Variants in TTLL9 observed in about 807,000 individuals in gnomAD.
TTLL9 encodes tubulin tyrosine ligase like 9, also known as probable tubulin polyglutamylase TTLL9.
In TTLL9, 47 loss-of-function variants were observed where a neutral mutation model predicts 65.6. The observed-to-expected ratio is 0.72, with a 90% CI of 0.57 to 0.91. The LOEUF is 0.91. TTLL9 is among the 40% of genes least tolerant of loss of function. TTLL9 has a pLI of 0.00. For missense variants in TTLL9, 537 were observed against 568.8 expected (o/e 0.94, Z 0.57); for synonymous variants, 179 against 204.8 (o/e 0.87, Z 1.07).
Position 31,937,266 on chromosome 20 carries a change from A to G in TTLL9, c.1005-130A>G, listed in dbSNP as rs527509298. 36 of 580,588 alleles carry G rather than the reference A, an allele frequency of 6.2e-5. 1 individual carries two copies. In the South Asian group the frequency reaches 7.3e-4, roughly 12 times the overall value. The allele number at this position is 580,588 out of a possible 1,614,324, so 36.0% of individuals were successfully genotyped here. A position where few individuals can be genotyped will look rare whatever the true frequency, so the allele number is the denominator to read the frequency against. On this transcript the variant is annotated intron_variant, in intron 12 of 14. Transcript: ENST00000535842. ...TCTATAAAAATAATTAAAAAAAAAT[A>G]GAAAGGTAGAGAGAGTAGCCTGGAT...
chr20:31,900,722 G>A (rs1450617631), intron 4 of TTLL9, among the ~76,000 whole-genome samples: 1 of 152,164 alleles, frequency 6.6e-6, no homozygotes, highest in Non-Finnish European at 1.5e-5. Flanking sequence ...GAGAACGGGT[G>A]TCATGAAAAG....
intron 2 of TTLL9, chr20:31,879,696 C>A (rs1272097448): frequency 3.3e-6 from 3 of 904,778 alleles, no homozygotes; most frequent in African/African-American, 3.4e-5. Context: ...ACCTAGGCTG[C>A]CAGGACGCCC....
intron 3 of TTLL9, among the ~76,000 whole-genome samples, chr20:31,897,768 G>A (rs1446875811): frequency 4.6e-5 from 7 of 151,996 alleles, no homozygotes; most frequent in Admixed American, 2.6e-4. Flanking sequence ...CTCCCTACTC[G>A]GCCTTTCCTG....
chr20:31,878,811 GTC>G (rs1343072054), intron 2 of TTLL9, among the ~76,000 whole-genome samples: 2 of 152,096 alleles, frequency 1.3e-5, no homozygotes, highest in East Asian at 1.9e-4. Flanking sequence ...TGATAACTTT[GTC>G]TCTTTCTTAT....
At chr20:31,926,848 G>A (rs2063913959) in intron 10 of TTLL9, among the ~76,000 whole-genome samples, 1 of 152,192 alleles carries the variant, frequency 6.6e-6, no homozygotes, top group South Asian at 2.1e-4. Context: ...GCTCACACCT[G>A]TAATTCCAGC....
At chr20:31,939,316 G>T in intron 14 of TTLL9, 50 bp downstream of exon 14, 1 of 1,601,396 alleles carries the variant, frequency 6.2e-7, no homozygotes, top group Non-Finnish European at 8.5e-7. Flanking sequence ...GTCATGGGAG[G>T]TACCAGGTAG....
At chr20:31,880,003 G>A (rs2063090217) in intron 2 of TTLL9, 1 of 662,444 alleles carries the variant, frequency 1.5e-6, no homozygotes, top group Non-Finnish European at 2.6e-6. Context: ...CGCGGAATGG[G>A]TAGGGGTGGG....
chr20:31,924,580 C>T (rs181767442), intron 8 of TTLL9, among the ~76,000 whole-genome samples: 18 of 144,808 alleles, frequency 1.2e-4, no homozygotes, highest in African/African-American at 4.5e-4. Context: ...ATACCTTGTG[C>T]GTTTTTTTTG....
chr20:31,898,676 T>A (rs1380511980), intron 4 of TTLL9, 111 bp downstream of exon 4: 2 of 829,468 alleles, frequency 2.4e-6, no homozygotes, highest in Non-Finnish European at 3.9e-6. Flanking sequence ...TGTCCCAAAG[T>A]GGCTGTGACA....
chr20:31,885,381 C>G (rs973071328), intron 2 of TTLL9, among the ~76,000 whole-genome samples: 1 of 151,842 alleles, frequency 6.6e-6, no homozygotes, highest in African/African-American at 2.4e-5. Context: ...GATAGATCCA[C>G]GTATGCATGG....
In TTLL9 at chr20:31,908,711, G is replaced by C; in HGVS notation, c.318+9G>C. 1.2e-6 allele frequency: 2 copies of C among 1,610,634 alleles called. No homozygotes were observed. The highest frequency in any genetic ancestry group is 1.7e-6 in the Non-Finnish European group (2 of 1,177,032). ...TCCGGAACCACTATGAGGTGAGCTG[G>C]GCAGGCGGGAGGGACTGTGCCAACC... On this transcript the variant is annotated intron_variant, in intron 5 of 14. Transcript: ENST00000535842.
At chr20:31,935,334 C>A (rs1426088033) in intron 12 of TTLL9, among the ~76,000 whole-genome samples, 2 of 152,218 alleles carry the variant, frequency 1.3e-5, no homozygotes, top group African/African-American at 2.4e-5. Context: ...ACGAATAGAA[C>A]AAGCCTGACC....
At chr20:31,871,280 CCTGGAAGGGGTCTGGAGACCAAGGTTT>C in intron 2 of TTLL9, 85 bp downstream of exon 2, 1 of 1,460,280 alleles carries the variant, frequency 6.8e-7, no homozygotes, top group Non-Finnish European at 9.6e-7. Flanking sequence ...AGGTCAGGGT[CCTGGAAGGGGTCTGGAGACCAAGGTTT>C]GAGGCCCTGT....
rs762813417 is a variant in TTLL9 at position 31,908,585 on chromosome 20, C to T, written c.207-6C>T. 6.8e-6 allele frequency: 11 copies of T among 1,606,758 alleles called. No individual in the cohort carries two copies. In the South Asian group the frequency reaches 7.7e-5, roughly 11 times the overall value. On this transcript the variant is annotated splice_region_variant and splice_polypyrimidine_tract_variant and intron_variant, in intron 4 of 14. Coordinates refer to ENST00000535842, the MANE Select transcript of TTLL9 (RefSeq NM_001008409.5). ...ACCTTTATCCCCGCCCCCACCCCAC[C>T]CCCAGCGAAGGGGAGTGGGATTTCT...
At chr20:31,886,205 C>A (rs901650988) in intron 2 of TTLL9, among the ~76,000 whole-genome samples, 1 of 152,208 alleles carries the variant, frequency 6.6e-6, no homozygotes, top group Admixed American at 6.5e-5. Flanking sequence ...AATGGATTCC[C>A]ATCATTTTAA....
At chr20:31,885,386 G>C (rs1396461503) in intron 2 of TTLL9, among the ~76,000 whole-genome samples, 1 of 152,070 alleles carries the variant, frequency 6.6e-6, no homozygotes, top group Non-Finnish European at 1.5e-5. Flanking sequence ...ATCCACGTAT[G>C]CATGGTCAAT....
intron 2 of TTLL9, among the ~76,000 whole-genome samples, chr20:31,874,251 C>T (rs1204409295): frequency 1.3e-5 from 2 of 152,036 alleles, no homozygotes; most frequent in Non-Finnish European, 2.9e-5. Flanking sequence ...CCTGTCATTC[C>T]CTTGCTTAAA....
chr20:31,926,239 A>G (rs990558143), intron 10 of TTLL9, 148 bp downstream of exon 10: 3 of 651,344 alleles, frequency 4.6e-6, no homozygotes, highest in South Asian at 3.6e-5. Context: ...ATTCACATTT[A>G]CTTATATTCC....
chr20:31,928,553 A>G lies in TTLL9; in HGVS notation c.748+2462A>G, dbSNP rs145021213. ...ATTCAAATATATATTTGCATATAGT[A>G]TATCTATACATACACTAAATACAAA... On this transcript the variant is annotated intron_variant, in intron 10 of 14. Coordinates refer to ENST00000535842, the MANE Select transcript of TTLL9 (RefSeq NM_001008409.5). 3.9e-3 allele frequency among the ~76,000 whole-genome samples: 587 copies of G among 151,436 alleles called. 4 individuals are homozygous for G. The highest frequency in any genetic ancestry group is 0.013 in the African/African-American group (556 of 41,426).
Sources: allele counts gnomAD v4.1 joint callset (sites outside exome capture counted in the v4.1 genomes callset), GRCh38; gene constraint gnomAD v4.1.1; transcripts MANE v1.5; gene names NCBI Gene and HGNC (gene_info 2026-07-23, HGNC 2026-07-21).